PTPRK: variants seen among roughly 807,000 people sequenced by gnomAD.
The protein encoded by PTPRK is receptor-type tyrosine-protein phosphatase kappa.
PTPRK carries 75 observed loss-of-function variants against 178.0 expected under a neutral mutation model. That is an observed-to-expected ratio of 0.42 (90% CI 0.35 to 0.51). PTPRK has a LOEUF of 0.51. Among genes scored for constraint, PTPRK ranks in the 20% least tolerant of loss-of-function variants. The pLI is 0.02. For missense variants in PTPRK, 1,441 were observed against 1,797.8 expected, an observed-to-expected ratio of 0.80 and a Z score of 3.59; for synonymous variants, 637 against 620.6, an observed-to-expected ratio of 1.03 and a Z score of -0.39.
intron 3 of PTPRK, among the ~76,000 whole-genome samples, chr6:128,311,310 C>T (rs138889098): frequency 1.3e-5 from 2 of 152,148 alleles, no homozygotes; most frequent in African/African-American, 2.4e-5. Context: ...GTTATGGGCC[C>T]CTTTGATCTG....
At chr6:128,427,266 TGTTA>T (rs1844258683) in intron 1 of PTPRK, among the ~76,000 whole-genome samples, 1 of 152,068 alleles carries the variant, frequency 6.6e-6, no homozygotes, top group Non-Finnish European at 1.5e-5. Flanking sequence ...CTTTAAGAGG[TGTTA>T]TGTAATTTAG....
chr6:128,168,499 T>C (rs1212506124), intron 7 of PTPRK, among the ~76,000 whole-genome samples: 1 of 151,976 alleles, frequency 6.6e-6, no homozygotes, highest in African/African-American at 2.4e-5. Flanking sequence ...CACAGCCTGT[T>C]AGAAACTGGG....
intron 3 of PTPRK, among the ~76,000 whole-genome samples, chr6:128,296,496 G>A (rs1357110422): frequency 1.3e-5 from 2 of 152,196 alleles, no homozygotes; most frequent in African/African-American, 4.8e-5. Flanking sequence ...TATCCACAAA[G>A]GGAAGCCCAT....
chr6:128,386,293 A>C lies in PTPRK; in HGVS notation c.223+11273T>G, dbSNP rs572364410. 8.7e-4 allele frequency among the ~76,000 whole-genome samples: 133 copies of C among 152,306 alleles called. 1 individual carries two copies. The highest frequency in any genetic ancestry group is 3.0e-3 in the African/African-American group (125 of 41,568). ...TTGTTTGATTAAGAAGAACTTTTTT[A>C]CTAAAACACATATGATAAGCTCACC... On this transcript the variant is annotated intron_variant, in intron 2 of 29. Coordinates refer to ENST00000368226, the MANE Select transcript of PTPRK (RefSeq NM_002844.4).
intron 1 of PTPRK, among the ~76,000 whole-genome samples, chr6:128,459,170 C>T (rs988337990): frequency 6.6e-6 from 1 of 152,014 alleles, no homozygotes; most frequent in African/African-American, 2.4e-5. Context: ...TCCCTATGTT[C>T]CTTCAAGTTT....
At chr6:128,097,338 A>G (rs1015870904) in intron 7 of PTPRK, among the ~76,000 whole-genome samples, 16 of 152,180 alleles carry the variant, frequency 1.1e-4, no homozygotes, top group African/African-American at 7.2e-5. Flanking sequence ...CACATCATCA[A>G]TTAAAAACAA....
intron 13 of PTPRK, among the ~76,000 whole-genome samples, chr6:128,011,646 A>C (rs1276935222): frequency 1.3e-5 from 2 of 151,150 alleles, no homozygotes; most frequent in Non-Finnish European, 3.0e-5. Context: ...ACCTAGGTTT[A>C]GTAATAAAAT....
At chr6:128,260,790 C>T (rs1818065582) in intron 3 of PTPRK, among the ~76,000 whole-genome samples, 2 of 152,126 alleles carry the variant, frequency 1.3e-5, no homozygotes, top group East Asian at 3.9e-4. Context: ...ATTCACTGAA[C>T]TTTCATGTAC....
At chr6:128,216,542 T>TAAA (rs75802526) in intron 6 of PTPRK, among the ~76,000 whole-genome samples, 5 of 84,244 alleles carry the variant, frequency 5.9e-5, no homozygotes, top group South Asian at 7.4e-4. Context: ...CTCAGAAAAA[T>TAAA]AAAAAAAAAA....
chr6:128,074,483 C>G (rs1783414859), intron 11 of PTPRK, among the ~76,000 whole-genome samples: 1 of 151,902 alleles, frequency 6.6e-6, no homozygotes, highest in South Asian at 2.1e-4. Flanking sequence ...ACGAAGAAAC[C>G]TTTTAGAAAG....
intron 29 of PTPRK, among the ~76,000 whole-genome samples, chr6:127,972,574 A>G (rs1039779478): frequency 2.0e-5 from 3 of 152,220 alleles, no homozygotes; most frequent in African/African-American, 4.8e-5. Flanking sequence ...TAGTTTAACC[A>G]TTTACAATTT....
At chr6:128,189,347 C>G (rs998848131) in intron 6 of PTPRK, among the ~76,000 whole-genome samples, 9 of 144,910 alleles carry the variant, frequency 6.2e-5, no homozygotes, top group African/African-American at 1.8e-4. Context: ...TCAAGCTACT[C>G]TCCTGCCTCA....
At chr6:128,059,269 A>G (rs1265720839) in intron 13 of PTPRK, among the ~76,000 whole-genome samples, 1 of 152,096 alleles carries the variant, frequency 6.6e-6, no homozygotes. Context: ...TAATCCATGA[A>G]CATGGTGTGC....
chr6:128,432,064 T>C (rs1018125939), intron 1 of PTPRK, among the ~76,000 whole-genome samples: 2 of 152,182 alleles, frequency 1.3e-5, no homozygotes, highest in African/African-American at 4.8e-5. Flanking sequence ...TACAGCTCCT[T>C]AGAGTCTTCT....
At chr6:128,330,010 T>C (rs1184221629) in intron 2 of PTPRK, among the ~76,000 whole-genome samples, 1 of 152,202 alleles carries the variant, frequency 6.6e-6, no homozygotes, top group Non-Finnish European at 1.5e-5. Context: ...CCATCTTGAA[T>C]AGCTACCAAA....
At chr6:128,111,380 A>G (rs1310303522) in intron 7 of PTPRK, among the ~76,000 whole-genome samples, 1 of 152,168 alleles carries the variant, frequency 6.6e-6, no homozygotes, top group African/African-American at 2.4e-5. Flanking sequence ...GCTAGAGATC[A>G]TTCTTGTTGA....
intron 7 of PTPRK, among the ~76,000 whole-genome samples, chr6:128,140,652 G>A (rs771856761): frequency 1.3e-5 from 2 of 151,726 alleles, no homozygotes; most frequent in Non-Finnish European, 1.5e-5. Context: ...CATCATTGTC[G>A]TCATCAGGAT....
At chr6:128,226,795 TATA>T (rs1248846384) in intron 5 of PTPRK, among the ~76,000 whole-genome samples, 2 of 139,082 alleles carry the variant, frequency 1.4e-5, no homozygotes, top group African/African-American at 2.7e-5. Context: ...TATATATATA[TATA>T]TTTCAATAAA....
At position 128,332,773 on chromosome 6, in the gene PTPRK, CTTCCTA is replaced by C. The variant is rs1007540521; in HGVS notation, c.224-10469_224-10464del. Among the ~76,000 whole-genome samples, 3 of 152,046 alleles carry C rather than the reference CTTCCTA, an allele frequency of 2.0e-5. 1 individual carries two copies. The highest frequency in any genetic ancestry group is 7.2e-5 in the African/African-American group (3 of 41,400). On this transcript the variant is annotated intron_variant, in intron 2 of 29. Transcript: ENST00000368226. Reference sequence around the variant, plus strand: ...GTCAGGCCTCTTTCTCAGTCTTATCCTTCCTATTCCTCTATAACCCTCCCTCTCTCA... The same window carrying C: ...GTCAGGCCTCTTTCTCAGTCTTATCCTTCCTCTATAACCCTCCCTCTCTCA...
Sources: gnomAD v4.1 joint callset for allele counts (sites outside exome capture counted in the v4.1 genomes callset) on GRCh38, gnomAD v4.1.1 for gene constraint, MANE v1.5 for transcripts, NCBI Gene and HGNC (gene_info 2026-07-23, HGNC 2026-07-21) for gene names.